ATF7: variants seen among roughly 807,000 people sequenced by gnomAD.
ATF7 encodes activating transcription factor 7.
In ATF7, 10 loss-of-function variants were observed where a neutral mutation model predicts 50.4. That is an observed-to-expected ratio of 0.20 (90% CI 0.12 to 0.34). The LOEUF (loss-of-function observed/expected upper bound fraction) is 0.34. ATF7 is among the 10% of genes least tolerant of loss of function. The pLI, the probability that ATF7 is intolerant of heterozygous loss-of-function variation, is 1.00. For missense variants in ATF7, 465 were observed against 613.9 expected (o/e 0.76, Z 2.56); for synonymous variants, 201 against 226.4 (o/e 0.89, Z 1.01).
At chr12:53,594,383 G>A (rs1200267293) in intron 2 of ATF7, among the ~76,000 whole-genome samples, 1 of 152,186 alleles carries the variant, frequency 6.6e-6, no homozygotes, top group Non-Finnish European at 1.5e-5. Flanking sequence ...GTACCAATTA[G>A]ATTCATACAG....
downstream of ATF7, among the ~76,000 whole-genome samples, chr12:53,508,495 G>A (rs1274373404): frequency 6.6e-6 from 1 of 151,496 alleles, no homozygotes; most frequent in Non-Finnish European, 1.5e-5. Flanking sequence ...GGGAGGCAGA[G>A]GTTGCAGTGA....
rs755917749 is a variant in ATF7, at chr12:53,531,792, G to A, written c.879C>T (p.Ser293=). ...STMVTARPEQ[S]QILIQHPDAP... is the part of the protein sequence containing the mutation. The stretch of plus-strand genomic sequence containing the variant: ...CATCAGGGTGCTGGATGAGAATCTG[G>A]CTCTGCTCTGGGCGGGCTGTCACCA... Residue 293 remains serine (S), a synonymous_variant, in exon 9 of 12, where the codon AGC becomes AGT. Transcript: ENST00000420353. 4.3e-6 allele frequency: 7 copies of A among 1,612,610 alleles called. No homozygotes were observed. The East Asian group carries it at 1.3e-4, about 31-fold the overall frequency.
At chr12:53,548,547 G>T (rs1180195104) in intron 3 of ATF7, among the ~76,000 whole-genome samples, 1 of 152,002 alleles carries the variant, frequency 6.6e-6, no homozygotes, top group African/African-American at 2.4e-5. Context: ...TGCCCAGGCT[G>T]GCCTCTAACT....
chr12:53,545,414 G>A (rs974676660), intron 3 of ATF7, among the ~76,000 whole-genome samples: 4 of 152,094 alleles, frequency 2.6e-5, no homozygotes, highest in Non-Finnish European at 5.9e-5. Context: ...CCGCCTCACC[G>A]TAATCTCTGC....
At chr12:53,592,888 T>A (rs1943005188) in intron 2 of ATF7, among the ~76,000 whole-genome samples, 1 of 152,072 alleles carries the variant, frequency 6.6e-6, no homozygotes, top group African/African-American at 2.4e-5. Context: ...AGGACAAAAA[T>A]AAAGATATTT....
chr12:53,561,329 TAAA>T (rs57397230), intron 2 of ATF7, among the ~76,000 whole-genome samples: 13 of 134,462 alleles, frequency 9.7e-5, no homozygotes, highest in African/African-American at 1.1e-4. Flanking sequence ...ACTGTCTCTT[TAAA>T]AAAAAAAAAA....
In ATF7 at chr12:53,532,600, C is replaced by T. The variant is rs1395821102; in HGVS notation, c.684G>A (p.Val228=). Residue 228 remains valine (V), a synonymous_variant, in exon 8 of 12, where the codon GTG becomes GTA. Coordinates refer to ENST00000420353, the MANE Select transcript of ATF7 (RefSeq NM_006856.3). ...VISLARPVSM[V]PNIPGIPGPP... ...GGCCAGGGATACCAGGAATGTTGGG[C>T]ACCATGGACACAGGTCTGGCCAGCT... The T allele has an allele frequency of 6.2e-7, 1 of 1,605,458 alleles. No individual in the cohort carries two copies. The highest frequency in any genetic ancestry group is 1.7e-5 in the Admixed American group (1 of 58,702).
intron 11 of ATF7, among the ~76,000 whole-genome samples, chr12:53,518,851 C>T (rs1163245019): frequency 6.6e-6 from 1 of 151,572 alleles, no homozygotes; most frequent in African/African-American, 2.4e-5. Flanking sequence ...CGAGACTACC[C>T]TGGCTAACAT....
At position 53,600,844 on chromosome 12, in the gene ATF7, A is replaced by G; in HGVS notation, c.48+109T>C. 4 of 1,041,388 alleles carry G rather than the reference A, an allele frequency of 3.8e-6. No individual in the cohort carries two copies. The South Asian group carries it at 5.7e-5, about 15-fold the overall frequency. The allele number at this position is 1,041,388 out of a possible 1,614,324, so 64.5% of individuals were successfully genotyped here. A position where few individuals can be genotyped will look rare whatever the true frequency, so the allele number is the denominator to read the frequency against. On this transcript the variant is annotated intron_variant, in intron 2 of 11. Coordinates refer to ENST00000420353, the MANE Select transcript of ATF7 (RefSeq NM_006856.3). ...ACACTGCAAATCCTCTGATCTGATT[A>G]CCTCCAGTGATCACGTAAAATACTG...
At chr12:53,561,110 T>C (rs1315892147) in intron 2 of ATF7, among the ~76,000 whole-genome samples, 2 of 151,968 alleles carry the variant, frequency 1.3e-5, no homozygotes, top group Admixed American at 1.3e-4. Context: ...CATGGGCTAT[T>C]GTTTTGTTTA....
At chr12:53,590,483 A>G (rs2137765460) in intron 2 of ATF7, among the ~76,000 whole-genome samples, 1 of 152,348 alleles carries the variant, frequency 6.6e-6, no homozygotes, top group South Asian at 2.1e-4. Context: ...CAAATGCTCT[A>G]CTTCCTCTTG....
intron 3 of ATF7, among the ~76,000 whole-genome samples, chr12:53,549,734 C>T (rs1156235386): frequency 1.3e-5 from 2 of 152,028 alleles, no homozygotes; most frequent in African/African-American, 4.8e-5. Flanking sequence ...TACAGGCGCT[C>T]GCCACCACGC....
chr12:53,586,830 C>T (rs1450879071), intron 2 of ATF7, among the ~76,000 whole-genome samples: 1 of 152,166 alleles, frequency 6.6e-6, no homozygotes, highest in Non-Finnish European at 1.5e-5. Context: ...TGCACGCTCA[C>T]ACACAACTAA....
At chr12:53,612,582 T>G (rs1404173494) in intron 1 of ATF7, among the ~76,000 whole-genome samples, 1 of 152,150 alleles carries the variant, frequency 6.6e-6, no homozygotes, top group Non-Finnish European at 1.5e-5. Flanking sequence ...GCTGCATTTT[T>G]CAAGGTTGGT....
At chr12:53,620,384 G>A (rs1392420310) in intron 1 of ATF7, among the ~76,000 whole-genome samples, 1 of 151,606 alleles carries the variant, frequency 6.6e-6, no homozygotes, top group Non-Finnish European at 1.5e-5. Flanking sequence ...AGACCATCCT[G>A]GCTAAAACGG....
intron 2 of ATF7, among the ~76,000 whole-genome samples, chr12:53,579,734 A>C (rs1237035574): frequency 6.6e-6 from 1 of 152,090 alleles, no homozygotes; most frequent in Non-Finnish European, 1.5e-5. Context: ...TTCAATAGAA[A>C]GGTCCTGTCC....
intron 2 of ATF7, among the ~76,000 whole-genome samples, chr12:53,581,365 T>C (rs1298699503): frequency 2.0e-5 from 3 of 152,144 alleles, no homozygotes; most frequent in African/African-American, 4.8e-5. Flanking sequence ...TTAACATCTA[T>C]AGATTAATTC....
At chr12:53,586,904 T>C (rs1034946979) in intron 2 of ATF7, among the ~76,000 whole-genome samples, 1 of 152,204 alleles carries the variant, frequency 6.6e-6, no homozygotes, top group Non-Finnish European at 1.5e-5. Flanking sequence ...CGAGTGATCA[T>C]TTTGGTCAGT....
chr12:53,603,076 T>C (rs1943466628), intron 1 of ATF7, among the ~76,000 whole-genome samples: 1 of 152,170 alleles, frequency 6.6e-6, no homozygotes, highest in African/African-American at 2.4e-5. Flanking sequence ...GGAAGTAAAC[T>C]ACAAGGGCTA....
Sources: allele counts gnomAD v4.1 joint callset (sites outside exome capture counted in the v4.1 genomes callset), GRCh38; gene constraint gnomAD v4.1.1; transcripts MANE v1.5; gene names NCBI Gene and HGNC (gene_info 2026-07-23, HGNC 2026-07-21).